The following ZNF208 variants were observed in gnomAD, a reference collection of about 807,000 sequenced individuals.
The protein encoded by ZNF208 is zinc finger protein 95.
In ZNF208, 10 loss-of-function variants were observed where a neutral mutation model predicts 12.1. The observed-to-expected ratio is 0.83, with a 90% confidence interval of 0.51 to 1.40. The LOEUF (loss-of-function observed/expected upper bound fraction) is 1.40. Ranked by LOEUF, ZNF208 falls within the 40% of genes most tolerant of loss-of-function variation. ZNF208 has a pLI of 0.00. For synonymous variants in ZNF208, 497 were observed against 488.4 expected (o/e 1.02, Z -0.23); for missense variants, 1,652 against 1,485.0 (o/e 1.11, Z -1.85).
At chr19:21,962,005 C>G (rs1970079296), downstream of ZNF208, among the ~76,000 whole-genome samples, 1 of 152,086 alleles carries the variant, frequency 6.6e-6, no homozygotes, top group African/African-American at 2.4e-5. Flanking sequence ...TAAAGTAAGA[C>G]AGGTGAAAGA....
At position 21,967,013 on chromosome 19, in the gene ZNF208, T is replaced by C. The variant is rs1413242373; in HGVS notation, c.*4178A>G. ...TTTGCAAATATTTTATTTCATACTG[T>C]AGGTCATCTGTTTACTTTGCTGATA... On this transcript the variant is annotated 3_prime_UTR_variant, in exon 4 of 4. Transcript: ENST00000397126. The C allele has an allele frequency of 6.6e-6, 1 of 152,202 alleles. No individual in the cohort carries two copies. The highest frequency in any genetic ancestry group is 2.4e-5 in the African/African-American group (1 of 41,462). 9.4% of individuals were successfully genotyped at this position (152,202 alleles called of 1,614,324 possible). A position where few individuals can be genotyped will look rare whatever the true frequency, so the allele number is the denominator to read the frequency against.
chr19:21,982,106 C>T (rs972398585), intron 3 of ZNF208, among the ~76,000 whole-genome samples: 9 of 151,978 alleles, frequency 5.9e-5, no homozygotes, highest in Non-Finnish European at 1.0e-4. Context: ...GTCTGTAATC[C>T]CACCATTTTG....
At chr19:21,957,323 G>C (rs1969992029) in intron 4 of ZNF208, among the ~76,000 whole-genome samples, 1 of 152,160 alleles carries the variant, frequency 6.6e-6, no homozygotes, top group African/African-American at 2.4e-5. Context: ...CAGGCTTGAG[G>C]CACCATGCCC....
downstream of ZNF208, among the ~76,000 whole-genome samples, chr19:21,963,728 A>T (rs1970116089): frequency 6.6e-6 from 1 of 152,044 alleles, no homozygotes; most frequent in Non-Finnish European, 1.5e-5. Context: ...GCTGAAAAAA[A>T]TAAGTCTTCT....
At chr19:21,959,221 A>ATAAGTGATG (rs774093265) in intron 4 of ZNF208, among the ~76,000 whole-genome samples, 35 of 152,318 alleles carry the variant, frequency 2.3e-4, no homozygotes, top group Non-Finnish European at 4.6e-4. Context: ...TCAGATACTA[A>ATAAGTGATG]TAAGTGATGA....
Position 21,972,872 on chromosome 19 carries a change from T to C in ZNF208, c.2162A>G (p.Tyr721Cys), listed in dbSNP as rs531489425. The C allele has an allele frequency of 3.1e-6, 5 of 1,613,374 alleles. No individual in the cohort carries two copies. In the South Asian group the frequency reaches 5.5e-5, roughly 18 times the overall value. ...HKRIHTGEKP[Y>C]KCEECGKSFS... is the part of the protein sequence containing the mutation. ...GCTTTTGCCACATTCTTCACATTTG[T>C]AGGGTTTCTCTCCAGTATGAATTCT... The change falls in exon 4 of 4, where the codon TAC becomes TGC. Residue 721 changes from tyrosine (Y) to cysteine (C), a missense_variant. Physicochemically the swap from Tyr to Cys is radical, Grantham distance 194. Around this residue, in one of 3 missense-constraint regions of ZNF208, gnomAD observed 1,239 missense variants for 1,086.2 expected, o/e 1.14. Coordinates refer to ENST00000397126, the MANE Select transcript of ZNF208 (RefSeq NM_007153.3).
Position 21,960,607 on chromosome 19 carries a change from G to A in ZNF208, c.305+14122C>T, listed in dbSNP as rs116156486. 7.8e-3 allele frequency among the ~76,000 whole-genome samples: 1,192 copies of A among 152,262 alleles called. 8 individuals are homozygous for A. Among genetic ancestry groups the A allele is most frequent in the African/African-American group, 0.027 (1,114 of 41,560 alleles). On this transcript the variant is annotated intron_variant, in intron 4 of 4. Transcript: ENST00000599916. ...CTCTGATGTGTGCTGAAGTTTGAGC[G>A]TCACTGGAATGGATAGTGTCCATAT...
intron 2 of ZNF208, 42 bp downstream of exon 2, chr19:21,988,741 C>T: frequency 6.2e-7 from 1 of 1,609,476 alleles, no homozygotes; most frequent in East Asian, 2.2e-5. Context: ...AAAATGAAAC[C>T]TGTAGTGTAT....
At chr19:21,980,610 A>G (rs1970520597) in intron 3 of ZNF208, among the ~76,000 whole-genome samples, 2 of 152,202 alleles carry the variant, frequency 1.3e-5, no homozygotes, top group African/African-American at 2.4e-5. Context: ...CACAAAAGAA[A>G]GCAAGACAGA....
At chr19:21,999,958 A>C (rs1479981393) in intron 1 of ZNF208, among the ~76,000 whole-genome samples, 2 of 152,224 alleles carry the variant, frequency 1.3e-5, no homozygotes, top group African/African-American at 4.8e-5. Flanking sequence ...ACTCTTGGAC[A>C]TCTGAATTTT....
chr19:21,988,642 C>T (rs961976935), intron 2 of ZNF208, 141 bp downstream of exon 2: 21 of 1,522,484 alleles, frequency 1.4e-5, no homozygotes, highest in Non-Finnish European at 1.8e-5. Context: ...GCAAGGAGGC[C>T]CCTGACCCCT....
downstream of ZNF208, among the ~76,000 whole-genome samples, chr19:21,961,545 T>C (rs1295942410): frequency 6.6e-6 from 1 of 151,968 alleles, no homozygotes; most frequent in Non-Finnish European, 1.5e-5. Flanking sequence ...GACCACAAAT[T>C]CACCAGGGTG....
At chr19:21,995,210 C>T (rs1465601055) in intron 1 of ZNF208, among the ~76,000 whole-genome samples, 3 of 152,282 alleles carry the variant, frequency 2.0e-5, no homozygotes, top group East Asian at 3.9e-4. Flanking sequence ...TCTTGGCTTC[C>T]CAAAGTGCTG....
At position 21,974,239 on chromosome 19, in the gene ZNF208, AG is replaced by A. The variant is rs1237141643; in HGVS notation, c.794del (p.Ala265ValfsTer13). The part of the protein sequence containing the change: ...KSYKCEECGK[A>X]FNQSAILTKH... ...TAGTAAGGATTGCAGATTGGTTAAA[AG>A]CCTTGCCACATTCTTCACATTTGTA... On this transcript the variant is annotated frameshift_variant, in exon 4 of 4. Coordinates refer to ENST00000397126, the MANE Select transcript of ZNF208 (RefSeq NM_007153.3). LOFTEE classifies it low-confidence loss of function (END_TRUNC). The A allele has an allele frequency of 6.2e-7, 1 of 1,606,594 alleles. No homozygotes were observed. Among genetic ancestry groups the A allele is most frequent in the South Asian group, 1.1e-5 (1 of 90,826 alleles).
intron 4 of ZNF208, among the ~76,000 whole-genome samples, chr19:21,950,071 G>A (rs1969867039): frequency 6.6e-6 from 1 of 152,118 alleles, no homozygotes; most frequent in Admixed American, 6.6e-5. Flanking sequence ...AAAGATATAA[G>A]AAGAATCACT....
Position 21,986,715 on chromosome 19 carries a change from CAGA to C in ZNF208, c.226+498_226+500del, listed in dbSNP as rs1472025789. On this transcript the variant is annotated intron_variant, in intron 3 of 3. Transcript: ENST00000397126. ...GCAATCTTGAAGAAAAAGAAAAAAGCAGAAGGACATCATACTTTATAATTTCAA... is the reference window on the plus strand; with the variant it reads ...GCAATCTTGAAGAAAAAGAAAAAAGCAGGACATCATACTTTATAATTTCAA... 5.8e-5 allele frequency: 14 copies of C among 240,374 alleles called. No individual in the cohort carries two copies. The South Asian group carries it at 1.8e-3, about 31-fold the overall frequency. 14.9% of individuals were successfully genotyped at this position (240,374 alleles called of 1,614,324 possible). A position where few individuals can be genotyped will look rare whatever the true frequency, so the allele number is the denominator to read the frequency against.
chr19:22,004,664 G>A (rs965070099), intron 1 of ZNF208, among the ~76,000 whole-genome samples: 3 of 151,994 alleles, frequency 2.0e-5, no homozygotes, highest in African/African-American at 4.8e-5. Context: ...AAACTGATGC[G>A]GAAACAGAAA....
In ZNF208 at chr19:21,974,472, G is replaced by A. The variant is rs752967678; in HGVS notation, c.562C>T (p.Leu188=). Residue 188 remains leucine (L), a synonymous_variant, in exon 4 of 4, where the codon CTA becomes TTA. Coordinates refer to ENST00000397126, the MANE Select transcript of ZNF208 (RefSeq NM_007153.3). ...YVRSFCMLSH[L]SQHKRIYTRE... The stretch of plus-strand genomic sequence containing the variant: ...GTATAAATTCTTTTATGTTGAGATA[G>A]GTGTGAAAGCATGCAAAATGATCTG... 4 of 1,613,654 alleles carry A rather than the reference G, an allele frequency of 2.5e-6. No homozygotes were observed. In the South Asian group the frequency reaches 4.4e-5, roughly 18 times the overall value.
intron 4 of ZNF208, among the ~76,000 whole-genome samples, chr19:21,959,170 T>C (rs1019593794): frequency 6.6e-6 from 1 of 152,176 alleles, no homozygotes; most frequent in Admixed American, 6.5e-5. Context: ...CCCTGGATGA[T>C]GAAAAGTGCA....
Sources: allele counts gnomAD v4.1 joint callset (sites outside exome capture counted in the v4.1 genomes callset), GRCh38; gene constraint gnomAD v4.1.1; regional missense constraint gnomAD v4.1.1; transcripts MANE v1.5; gene names NCBI Gene and HGNC (gene_info 2026-07-23, HGNC 2026-07-21).